The following CIBAR2 variants were observed in gnomAD, a reference collection of about 807,000 sequenced individuals.
The protein encoded by CIBAR2 is CBY1 interacting BAR domain containing 2.
Under a neutral mutation model 36.2 loss-of-function variants are expected in CIBAR2, and 38 were observed. The ratio of observed to expected loss-of-function variants is 1.05; its 90% CI spans 0.81 to 1.38. The LOEUF (loss-of-function observed/expected upper bound fraction) is 1.38, where lower values mean the gene tolerates loss of function less well. Ranked by LOEUF, CIBAR2 falls within the 40% of genes most tolerant of loss-of-function variation. CIBAR2 has a pLI of 0.00. For synonymous variants in CIBAR2, 182 were observed against 149.5 expected, an observed-to-expected ratio of 1.22 and a Z score of -1.58; for missense variants, 481 against 383.4, an observed-to-expected ratio of 1.25 and a Z score of -2.13.
chr16:85,101,910 C>T (rs748585662), intron 7 of CIBAR2, among the ~76,000 whole-genome samples: 35 of 152,080 alleles, frequency 2.3e-4, no homozygotes, highest in Non-Finnish European at 3.4e-4. Flanking sequence ...TCAGGTGATC[C>T]GCCTACCTCG....
chr16:85,108,596 G>T (rs2074016397), intron 2 of CIBAR2, among the ~76,000 whole-genome samples: 1 of 152,232 alleles, frequency 6.6e-6, no homozygotes, highest in Non-Finnish European at 1.5e-5. Context: ...AGTGGGGCCG[G>T]GCGCGATGGC....
At chr16:85,109,580 G>A (rs984177734) in intron 2 of CIBAR2, among the ~76,000 whole-genome samples, 1 of 152,234 alleles carries the variant, frequency 6.6e-6, no homozygotes, top group Non-Finnish European at 1.5e-5. Context: ...CTAGAGTGCA[G>A]AGGCATGATC....
At position 85,105,345 on chromosome 16, in the gene CIBAR2, C is replaced by T. The variant is rs2073987351; in HGVS notation, c.519G>A (p.Gln173=). 2 of 1,613,066 alleles carry T rather than the reference C, an allele frequency of 1.2e-6. No homozygotes were observed. The highest frequency in any genetic ancestry group is 1.7e-6 in the Non-Finnish European group (2 of 1,179,778). Residue 173 remains glutamine, a synonymous_variant, in exon 6 of 9, where the codon CAG becomes CAA. Coordinates refer to ENST00000539556, the MANE Select transcript of CIBAR2 (RefSeq NM_198491.3). The stretch of plus-strand genomic sequence containing the variant: ...CCCTCACCTGCAGGTCCTTGAGCTT[C>T]TGCCTCTGGAAGCCATCCACAGTCT... The part of the protein sequence containing the change: ...LEETVDGFQR[Q]KLKDLQKFFC...
Position 85,108,054 on chromosome 16 carries a change from C to T in CIBAR2, c.301G>A (p.Gly101Arg), listed in dbSNP as rs199599166. 3.8e-5 allele frequency: 61 copies of T among 1,613,652 alleles called. No individual in the cohort carries two copies. In the East Asian group the frequency reaches 9.6e-4, roughly 25 times the overall value. ...ACCCGTGTCTGCTTGATCTGTGCCC[C>T]GTAGAGCTTCAGGGGGTTGACCACC... is the stretch of plus-strand genomic sequence containing the variant. ...TKVVNPLKLY[G>R]AQIKQTRAEI... The change falls in exon 3 of 9, where the codon GGG (glycine) becomes AGG (arginine). Residue 101 changes from glycine to arginine, a missense_variant. By Grantham distance (125) the Gly-to-Arg change is moderately radical. Coordinates refer to ENST00000539556, the MANE Select transcript of CIBAR2 (RefSeq NM_198491.3).
At position 85,105,374 on chromosome 16, in the gene CIBAR2, C is replaced by G. The variant is rs2073987718; in HGVS notation, c.490G>C (p.Glu164Gln). 3 of 1,613,924 alleles carry G rather than the reference C, an allele frequency of 1.9e-6. No homozygotes were observed. The highest frequency in any genetic ancestry group is 2.5e-6 in the Non-Finnish European group (3 of 1,180,004). Residue 164 changes from glutamate (E) to glutamine (Q), a missense_variant, in exon 6 of 9, where the codon GAG becomes CAG. Coordinates refer to ENST00000539556, the MANE Select transcript of CIBAR2 (RefSeq NM_198491.3). ...VDSSRTTLQLEETVDGFQRQK... is the reference protein window; with the variant it reads ...VDSSRTTLQLQETVDGFQRQK... ...CTCTGGAAGCCATCCACAGTCTCCT[C>G]CAGCTGGAGGGTGGTGCGGCTGGAG...
At chr16:85,108,748 C>A (rs2074017724) in intron 2 of CIBAR2, among the ~76,000 whole-genome samples, 1 of 152,142 alleles carries the variant, frequency 6.6e-6, no homozygotes, top group African/African-American at 2.4e-5. Context: ...GTGGTGCATG[C>A]CTCTAGTCCC....
At chr16:85,099,979 C>A (rs182333545) in intron 8 of CIBAR2, among the ~76,000 whole-genome samples, 160 bp downstream of exon 8, 1 of 151,840 alleles carries the variant, frequency 6.6e-6, no homozygotes, top group Non-Finnish European at 1.5e-5. Flanking sequence ...GTCAGACCCC[C>A]GGGCAGCCCT....
chr16:85,111,906 C>T (rs1054964976), intron 1 of CIBAR2, among the ~76,000 whole-genome samples: 1 of 152,190 alleles, frequency 6.6e-6, no homozygotes, highest in East Asian at 1.9e-4. Flanking sequence ...GGAATTCGAA[C>T]CTCAGAGGAA....
At chr16:85,101,782 G>T (rs1021920999) in intron 7 of CIBAR2, among the ~76,000 whole-genome samples, 4 of 151,714 alleles carry the variant, frequency 2.6e-5, no homozygotes, top group Non-Finnish European at 4.4e-5. Flanking sequence ...CGATTCTCCT[G>T]CCTCAGCCTC....
In CIBAR2 at chr16:85,105,376, A is replaced by G; in HGVS notation, c.488T>C (p.Leu163Pro). The change falls in exon 6 of 9, where the codon CTG becomes CCG. Residue 163 changes from leucine to proline, a missense_variant. Coordinates refer to ENST00000539556, the MANE Select transcript of CIBAR2 (RefSeq NM_198491.3). ...AVDSSRTTLQ[L>P]EETVDGFQRQ... is the part of the protein sequence containing the mutation. The stretch of plus-strand genomic sequence containing the variant: ...CTGGAAGCCATCCACAGTCTCCTCC[A>G]GCTGGAGGGTGGTGCGGCTGGAGTC... 6.2e-7 allele frequency: 1 copy of G among 1,613,892 alleles called. No individual in the cohort carries two copies. The highest frequency in any genetic ancestry group is 8.5e-7 in the Non-Finnish European group (1 of 1,179,970).
chr16:85,103,996 G>A (rs1359787208), intron 6 of CIBAR2, among the ~76,000 whole-genome samples: 2 of 152,254 alleles, frequency 1.3e-5, no homozygotes, highest in African/African-American at 4.8e-5. Flanking sequence ...GGTGTACCCA[G>A]CATCAGGCAC....
At chr16:85,108,610 C>T (rs937569745) in intron 2 of CIBAR2, among the ~76,000 whole-genome samples, 10 of 152,200 alleles carry the variant, frequency 6.6e-5, no homozygotes, top group Admixed American at 3.3e-4. Context: ...CGATGGCTCA[C>T]GCCTGTAATC....
At chr16:85,104,357 C>T (rs1257069993) in intron 6 of CIBAR2, among the ~76,000 whole-genome samples, 1 of 152,198 alleles carries the variant, frequency 6.6e-6, no homozygotes, top group East Asian at 1.9e-4. Flanking sequence ...ATCCTTAGAA[C>T]AAGGGGAGCC....
Position 85,098,914 on chromosome 16 carries a change from G to A in CIBAR2, c.*271C>T, listed in dbSNP as rs61512392. 25 of 307,864 alleles carry A rather than the reference G, an allele frequency of 8.1e-5. No individual in the cohort carries two copies. Among genetic ancestry groups the A allele is most frequent in the Non-Finnish European group, 1.2e-4 (21 of 176,744 alleles). 19.1% of individuals were successfully genotyped at this position (307,864 alleles called of 1,614,324 possible). A position where few individuals can be genotyped will look rare whatever the true frequency, so the allele number is the denominator to read the frequency against. ...TCCCAAGGTCACACCGCCGGGAGCA[G>A]TGGGCTCGGACCAAGAAATAGATAG... On this transcript the variant is annotated 3_prime_UTR_variant, in exon 9 of 9. Coordinates refer to ENST00000539556, the MANE Select transcript of CIBAR2 (RefSeq NM_198491.3).
chr16:85,107,175 G>T (rs1416397431), intron 5 of CIBAR2, among the ~76,000 whole-genome samples: 1 of 152,070 alleles, frequency 6.6e-6, no homozygotes, highest in Non-Finnish European at 1.5e-5. Context: ...GCACTCTTTG[G>T]ATGAGGTCAC....
chr16:85,111,186 A>G (rs2074040056), intron 1 of CIBAR2, among the ~76,000 whole-genome samples: 1 of 152,008 alleles, frequency 6.6e-6, no homozygotes, highest in Admixed American at 6.6e-5. Flanking sequence ...CCTGTGACCA[A>G]AGTCCCCCGT....
rs2073928454 is a variant in CIBAR2 at position 85,098,548 on chromosome 16, A to G, written c.*637T>C. 1.0e-6 allele frequency: 1 copy of G among 985,974 alleles called. No homozygotes were observed. The highest frequency in any genetic ancestry group is 1.7e-5 in the African/African-American group (1 of 57,332). 61.1% of individuals were successfully genotyped at this position (985,974 alleles called of 1,614,324 possible). On this transcript the variant is annotated 3_prime_UTR_variant, in exon 9 of 9. Coordinates refer to ENST00000539556, the MANE Select transcript of CIBAR2 (RefSeq NM_198491.3). ...ATCCAAGGCCAGCTAAGTTCTTCTG[A>G]CTGTTGTGGGCAGTTCTCTCTTATG...
chr16:85,110,704 C>T (rs1395918707), intron 1 of CIBAR2, among the ~76,000 whole-genome samples: 15 of 93,856 alleles, frequency 1.6e-4, no homozygotes, highest in Admixed American at 3.9e-4. Context: ...CAGACCTGGC[C>T]TTTTTTTTTT....
intron 6 of CIBAR2, 67 bp from the exon 7 acceptor site, chr16:85,102,394 G>C: frequency 1.1e-6 from 1 of 945,388 alleles, no homozygotes; most frequent in Non-Finnish European, 1.7e-6. Context: ...AGCCTGGGAT[G>C]CAGGCAGATG....
Sources: allele counts gnomAD v4.1 joint callset (sites outside exome capture counted in the v4.1 genomes callset), GRCh38; gene constraint gnomAD v4.1.1; transcripts MANE v1.5; gene names NCBI Gene and HGNC (gene_info 2026-07-23, HGNC 2026-07-21).